Variants in HECTD4 observed in about 807,000 individuals in gnomAD.
The protein encoded by HECTD4 is HECT domain E3 ubiquitin protein ligase 4.
Under a neutral mutation model 471.5 loss-of-function variants are expected in HECTD4, and 114 were observed. That is an observed-to-expected ratio of 0.24 (90% CI 0.21 to 0.28). The LOEUF is 0.28. HECTD4 is among the 10% of genes least tolerant of loss of function. The pLI is 1.00. For missense variants in HECTD4, 3,866 were observed against 5,651.5 expected (o/e 0.68, Z 10.13); for synonymous variants, 2,012 against 2,256.0 (o/e 0.89, Z 3.07).
chr12:112,381,876 G>A lies in HECTD4; in HGVS notation c.177+76C>T. On this transcript the variant is annotated intron_variant, in intron 1 of 75. Coordinates refer to ENST00000682272, the MANE Select transcript of HECTD4 (RefSeq NM_001388303.1). This position sits in a 1 kb window ranked among gnomAD's most constrained non-coding sequence, Gnocchi z 4.1. ...CGGGAGGCGAGGCCGCGGCTGAGGCGAGGAGGGGGCCCGACCCGGGGGTGC... is the reference window on the plus strand; with the variant it reads ...CGGGAGGCGAGGCCGCGGCTGAGGCAAGGAGGGGGCCCGACCCGGGGGTGC... The A allele has an allele frequency of 9.4e-7, 1 of 1,066,674 alleles. No homozygotes were observed. The highest frequency in any genetic ancestry group is 1.2e-6 in the Non-Finnish European group (1 of 841,930). The allele number at this position is 1,066,674 out of a possible 1,614,324, so 66.1% of individuals were successfully genotyped here.
In HECTD4 at chr12:112,192,674, C is replaced by A. The variant is rs1283827005; in HGVS notation, c.9178G>T (p.Ala3060Ser). The part of the protein sequence containing the change: ...KRNGQLNLIE[A>S]ACYPRDASPA... ...GACGCGTCCCGCGGGTAACAGGCGG[C>A]CTCGATGAGGTTCAGCTGGCCATTT... is the stretch of plus-strand genomic sequence containing the variant. Residue 3060 changes from alanine (A) to serine (S), a missense_variant, in exon 59 of 76, where the codon GCC becomes TCC. Physicochemically the swap from Ala to Ser is moderately conservative, Grantham distance 99 (BLOSUM62 1). Transcript: ENST00000682272. 4 of 1,604,564 alleles carry A rather than the reference C, an allele frequency of 2.5e-6. No homozygotes were observed. Among genetic ancestry groups the A allele is most frequent in the Non-Finnish European group, 3.4e-6 (4 of 1,176,086 alleles).
intron 55 of HECTD4, among the ~76,000 whole-genome samples, chr12:112,199,762 G>C (rs7969211): frequency 6.6e-5 from 10 of 152,168 alleles, no homozygotes; most frequent in African/African-American, 2.4e-4. Flanking sequence ...AAGCACTCAA[G>C]CAATACCTGA....
chr12:112,370,566 T>C (rs2135760510), intron 1 of HECTD4, among the ~76,000 whole-genome samples: 1 of 152,286 alleles, frequency 6.6e-6, no homozygotes, highest in East Asian at 1.9e-4. Context: ...ATATGTCTAG[T>C]ATGACATCTT....
intron 66 of HECTD4, among the ~76,000 whole-genome samples, chr12:112,174,216 G>T (rs528070470): frequency 2.0e-5 from 3 of 151,792 alleles, no homozygotes; most frequent in Admixed American, 6.6e-5. Context: ...TGATCTGCCC[G>T]CCTTGGCCTC....
At chr12:112,207,116 G>GTGTGTGTGTA (rs1555250152) in intron 52 of HECTD4, among the ~76,000 whole-genome samples, 1 of 147,450 alleles carries the variant, frequency 6.8e-6, no homozygotes, top group East Asian at 2.0e-4. Flanking sequence ...ATGTGTGTGT[G>GTGTGTGTGTA]TGTATGTATG....
chr12:112,184,298 C>T lies in HECTD4; in HGVS notation c.10668G>A (p.Leu3556=), dbSNP rs555789064. Residue 3556 remains leucine, a synonymous_variant, in exon 61 of 76, where the codon CTG becomes CTA. Transcript: ENST00000682272. The surrounding 1 kb of genome is among the most constrained non-coding windows in gnomAD (Gnocchi z 9.1). The part of the protein sequence containing the change: ...LGSLGSLGEP[L]DNAETASVSD... ...ACACCGAGGCCGTCTCTGCATTGTCCAGGGGCTCCCCCAGGCTGCCCAGGC... is the reference window on the plus strand; with the variant it reads ...ACACCGAGGCCGTCTCTGCATTGTCTAGGGGCTCCCCCAGGCTGCCCAGGC... 3 of 1,613,562 alleles carry T rather than the reference C, an allele frequency of 1.9e-6. No individual in the cohort carries two copies. The highest frequency in any genetic ancestry group is 1.1e-5 in the South Asian group (1 of 91,086).
chr12:112,198,783 G>T (rs958239999), intron 55 of HECTD4, among the ~76,000 whole-genome samples: 1 of 152,200 alleles, frequency 6.6e-6, no homozygotes, highest in Non-Finnish European at 1.5e-5. Flanking sequence ...GTCTACCTCA[G>T]AACTGCCCTT....
At chr12:112,164,446 G>A (rs533056922) in intron 72 of HECTD4, among the ~76,000 whole-genome samples, 171 bp from the exon 73 acceptor site, 6 of 152,232 alleles carry the variant, frequency 3.9e-5, no homozygotes, top group South Asian at 2.1e-4. Flanking sequence ...GTTCAGGGCC[G>A]GGCGTGTGAC....
chr12:112,183,037 T>C, intron 62 of HECTD4, 22 bp downstream of exon 62: 1 of 1,586,602 alleles, frequency 6.3e-7, no homozygotes, highest in Non-Finnish European at 8.6e-7. Flanking sequence ...GTCTACAGAT[T>C]AAAAACAAAT....
At chr12:112,172,609 C>G in intron 67 of HECTD4, 62 bp downstream of exon 67, 1 of 1,525,652 alleles carries the variant, frequency 6.6e-7, no homozygotes, top group East Asian at 2.3e-5. Flanking sequence ...TGTAAATGCC[C>G]CTTGTCATGG....
chr12:112,364,472 G>C (rs2036521390), intron 1 of HECTD4, among the ~76,000 whole-genome samples: 1 of 151,968 alleles, frequency 6.6e-6, no homozygotes, highest in African/African-American at 2.4e-5. Flanking sequence ...GCTCAGGCTT[G>C]TAATGCCAGC....
At chr12:112,200,596 G>A in intron 55 of HECTD4, 42 bp downstream of exon 55, 6 of 1,585,284 alleles carry the variant, frequency 3.8e-6, no homozygotes, top group Non-Finnish European at 5.2e-6. Context: ...AGCGAAGTTG[G>A]TGGATTTCTG....
chr12:112,349,462 C>T (rs187750670), intron 1 of HECTD4, among the ~76,000 whole-genome samples: 47 of 146,824 alleles, frequency 3.2e-4, no homozygotes, highest in African/African-American at 1.1e-3. Context: ...GAAGAAAATA[C>T]GGCCAAATCA....
chr12:112,225,298 G>GTAATTACTGTATT (rs2033203025), intron 44 of HECTD4, among the ~76,000 whole-genome samples: 1 of 98,306 alleles, frequency 1.0e-5, no homozygotes, highest in South Asian at 3.0e-4. Flanking sequence ...AACGGCATGA[G>GTAATTACTGTATT]AAAAAGTAAT....
At chr12:112,206,815 C>T (rs1302551404) in intron 52 of HECTD4, among the ~76,000 whole-genome samples, 5 of 152,074 alleles carry the variant, frequency 3.3e-5, no homozygotes, top group South Asian at 2.1e-4. Context: ...GGATTACAGG[C>T]GTGAGCCACT....
At chr12:112,209,962 C>T (rs894107181) in intron 50 of HECTD4, 53 bp downstream of exon 50, 5 of 1,416,798 alleles carry the variant, frequency 3.5e-6, no homozygotes, top group Non-Finnish European at 2.0e-6. Context: ...GAATTCATAA[C>T]ATTCATGGTC....
intron 7 of HECTD4, among the ~76,000 whole-genome samples, chr12:112,305,397 C>T (rs1039960748): frequency 1.3e-5 from 2 of 152,112 alleles, no homozygotes; most frequent in Admixed American, 1.3e-4. Context: ...ACACTTTGCA[C>T]GTGTGGTATC....
intron 65 of HECTD4, among the ~76,000 whole-genome samples, chr12:112,176,105 C>G (rs1158159404): frequency 2.6e-5 from 4 of 152,254 alleles, no homozygotes; most frequent in African/African-American, 4.8e-5. Flanking sequence ...TTTCCCACAT[C>G]CCCTCTTTCT....
intron 1 of HECTD4, among the ~76,000 whole-genome samples, chr12:112,368,742 T>C (rs186967476): frequency 6.6e-6 from 1 of 152,332 alleles, no homozygotes; most frequent in African/African-American, 2.4e-5. Flanking sequence ...CCAGGGTATT[T>C]ATTGTCTCTC....
Sources: gnomAD v4.1 joint callset for allele counts (sites outside exome capture counted in the v4.1 genomes callset) on GRCh38, gnomAD v4.1.1 for gene constraint, Gnocchi (gnomAD v3.1) non-coding constraint, MANE v1.5 for transcripts, NCBI Gene and HGNC (gene_info 2026-07-23, HGNC 2026-07-21) for gene names.